Variants in RBFOX1 observed in about 807,000 individuals in gnomAD.
The protein encoded by RBFOX1 is RNA binding protein fox-1 homolog 1.
RBFOX1 carries 8 observed loss-of-function variants against 57.7 expected under a neutral mutation model. The observed-to-expected ratio is 0.14, with a 90% confidence interval of 0.08 to 0.25. The LOEUF is 0.25. Among genes scored for constraint, RBFOX1 ranks in the 10% least tolerant of loss-of-function variants. RBFOX1 has a pLI of 1.00. For synonymous variants in RBFOX1, 326 were observed against 222.4 expected, an observed-to-expected ratio of 1.47 and a Z score of -4.15; for missense variants, 611 against 548.5, an observed-to-expected ratio of 1.11 and a Z score of -1.14.
intron 1 of RBFOX1, among the ~76,000 whole-genome samples, chr16:5,441,748 C>T (rs557908302): frequency 7.2e-5 from 11 of 152,114 alleles, no homozygotes; most frequent in Non-Finnish European, 1.5e-4. Flanking sequence ...GGGCAGAAAA[C>T]ATGTCCTTCT....
intron 4 of RBFOX1, among the ~76,000 whole-genome samples, chr16:7,066,830 C>G (rs1048270271): frequency 1.3e-5 from 2 of 152,158 alleles, no homozygotes; most frequent in African/African-American, 4.8e-5. Flanking sequence ...GATGTCAACT[C>G]TGTCTTCCCA....
At chr16:7,461,610 T>A (rs2059598597) in intron 4 of RBFOX1, among the ~76,000 whole-genome samples, 1 of 152,216 alleles carries the variant, frequency 6.6e-6, no homozygotes, top group Admixed American at 6.5e-5. Context: ...GTCATTTGTG[T>A]GTCTGTTTTT....
chr16:5,319,154 A>C (rs2880070), intron 1 of RBFOX1, among the ~76,000 whole-genome samples: 4,398 of 145,534 alleles, frequency 0.03, 230 homozygotes, highest in Admixed American at 0.15. Context: ...AACAAACAAA[A>C]AAACATAAAA....
At chr16:7,350,191 T>C (rs563546160) in intron 4 of RBFOX1, among the ~76,000 whole-genome samples, 1 of 151,928 alleles carries the variant, frequency 6.6e-6, no homozygotes, top group East Asian at 1.9e-4. Context: ...ACTGAAAGGG[T>C]TATTTTAGAT....
intron 5 of RBFOX1, among the ~76,000 whole-genome samples, chr16:7,547,720 C>T (rs1159384392): frequency 6.6e-6 from 1 of 152,190 alleles, no homozygotes; most frequent in Non-Finnish European, 1.5e-5. Flanking sequence ...AACTCAGGCA[C>T]CTTGCTCCTA....
intron 4 of RBFOX1, among the ~76,000 whole-genome samples, chr16:7,363,450 C>T (rs1004656029): frequency 6.6e-6 from 1 of 151,958 alleles, no homozygotes; most frequent in African/African-American, 2.4e-5. Flanking sequence ...AGTGTCTGAG[C>T]CAGATTCAAT....
At chr16:5,588,858 A>G (rs1165376147) in intron 2 of RBFOX1, among the ~76,000 whole-genome samples, 1 of 152,166 alleles carries the variant, frequency 6.6e-6, no homozygotes, top group African/African-American at 2.4e-5. Context: ...AGGATTTTGC[A>G]GGTGGAGGTA....
intron 2 of RBFOX1, among the ~76,000 whole-genome samples, chr16:6,621,628 C>T (rs529449551): frequency 2.6e-5 from 4 of 152,242 alleles, no homozygotes; most frequent in South Asian, 4.1e-4. Context: ...CATATCTTTT[C>T]GGGGGCACAT....
chr16:6,811,586 C>T (rs541362791), intron 3 of RBFOX1, among the ~76,000 whole-genome samples: 1 of 152,098 alleles, frequency 6.6e-6, no homozygotes, highest in Admixed American at 6.6e-5. Context: ...AACCTGGGTG[C>T]TAGCATGGAA....
chr16:5,648,148 C>T (rs546606535), intron 3 of RBFOX1, among the ~76,000 whole-genome samples: 6 of 152,184 alleles, frequency 3.9e-5, no homozygotes, highest in Non-Finnish European at 4.4e-5. Flanking sequence ...GCATGAGCCA[C>T]TGCACCTGGC....
At chr16:5,862,268 TTTAAGTTAAGA>T (rs2057238246) in intron 3 of RBFOX1, among the ~76,000 whole-genome samples, 1 of 152,098 alleles carries the variant, frequency 6.6e-6, no homozygotes, top group Non-Finnish European at 1.5e-5. Flanking sequence ...GGAATGCCAG[TTTAAGTTAAGA>T]TGCACTGACG....
chr16:6,115,471 A>C (rs777784350), intron 1 of RBFOX1, among the ~76,000 whole-genome samples: 1 of 152,208 alleles, frequency 6.6e-6, no homozygotes, highest in South Asian at 2.1e-4. Flanking sequence ...GTAGCCCTTT[A>C]ATAGATTTGT....
intron 3 of RBFOX1, among the ~76,000 whole-genome samples, chr16:5,715,815 C>T (rs766118394): frequency 3.3e-5 from 5 of 152,130 alleles, no homozygotes; most frequent in Non-Finnish European, 5.9e-5. Flanking sequence ...CTTTTACTGG[C>T]CCAAAGCAAA....
intron 3 of RBFOX1, among the ~76,000 whole-genome samples, chr16:6,887,862 A>G (rs1336475513): frequency 1.3e-5 from 2 of 152,052 alleles, no homozygotes; most frequent in Non-Finnish European, 2.9e-5. Context: ...GGGGTTTGCC[A>G]TGTTGGCCAG....
intron 3 of RBFOX1, among the ~76,000 whole-genome samples, chr16:5,636,151 C>A (rs1455885647): frequency 6.6e-6 from 1 of 152,084 alleles, no homozygotes; most frequent in Admixed American, 6.5e-5. Context: ...AGTTCGAGAC[C>A]AGCCTGACCA....
intron 4 of RBFOX1, among the ~76,000 whole-genome samples, chr16:7,493,029 C>T (rs1226270695): frequency 6.6e-6 from 1 of 152,182 alleles, no homozygotes; most frequent in African/African-American, 2.4e-5. Context: ...CAGGTGCCTG[C>T]CACCACACCC....
chr16:6,989,568 G>C (rs1245907389), intron 3 of RBFOX1, among the ~76,000 whole-genome samples: 1 of 152,146 alleles, frequency 6.6e-6, no homozygotes, highest in Non-Finnish European at 1.5e-5. Flanking sequence ...ATAAAGAATA[G>C]AAACAGGTAC....
At chr16:7,638,831 A>G (rs950862882) in intron 11 of RBFOX1, among the ~76,000 whole-genome samples, 10 of 152,296 alleles carry the variant, frequency 6.6e-5, no homozygotes, top group South Asian at 4.1e-4. Context: ...CCCAAGCGCC[A>G]TAGTTTACCC....
rs189864948 is a variant in RBFOX1, at chr16:7,466,360, C to T, written c.28-51787C>T. Among the ~76,000 whole-genome samples the T allele has an allele frequency of 4.3e-4, 65 of 152,218 alleles. 1 individual carries two copies. In the East Asian group the frequency reaches 8.7e-3, roughly 20 times the overall value. ...GAATGCTTATTTCATGCCAAGCTAG[C>T]GCTTCTAACTGCATTATCTCATTAA... On this transcript the variant is annotated intron_variant, in intron 4 of 15. Coordinates refer to ENST00000550418, the MANE Select transcript of RBFOX1 (RefSeq NM_018723.4).
Sources: gnomAD v4.1 joint callset for allele counts (sites outside exome capture counted in the v4.1 genomes callset) on GRCh38, gnomAD v4.1.1 for gene constraint, MANE v1.5 for transcripts, NCBI Gene and HGNC (gene_info 2026-07-23, HGNC 2026-07-21) for gene names.